Variants in PRKG1 observed in about 807,000 individuals in gnomAD.
The protein encoded by PRKG1 is protein kinase cGMP-dependent 1, also known as cGMP-dependent protein kinase 1.
In PRKG1, 35 loss-of-function variants were observed where a neutral mutation model predicts 88.1. That is an observed-to-expected ratio of 0.40 (90% CI 0.30 to 0.53). PRKG1 has a LOEUF of 0.53. Among genes scored for constraint, PRKG1 ranks in the 20% least tolerant of loss-of-function variants. The probability of loss-of-function intolerance (pLI) is 0.59; values close to 1 mark genes in which losing one functional copy is unlikely to be tolerated. For synonymous variants in PRKG1, 303 were observed against 292.5 expected (o/e 1.04, Z -0.37); for missense variants, 540 against 839.8 (o/e 0.64, Z 4.41).
chr10:51,719,986 G>A (rs1349223188), intron 3 of PRKG1, among the ~76,000 whole-genome samples: 2 of 152,156 alleles, frequency 1.3e-5, no homozygotes, highest in Admixed American at 1.3e-4. Flanking sequence ...TGGGGGAGAT[G>A]CTGGGAAGGG....
At chr10:51,808,880 G>GTC (rs1370223267) in intron 4 of PRKG1, among the ~76,000 whole-genome samples, 2 of 152,124 alleles carry the variant, frequency 1.3e-5, no homozygotes, top group East Asian at 3.9e-4. Flanking sequence ...TTCGGTAGGG[G>GTC]TCTCTGTTGT....
intron 2 of PRKG1, among the ~76,000 whole-genome samples, chr10:51,189,628 ATTT>A (rs761697024): frequency 2.0e-5 from 3 of 151,938 alleles, no homozygotes; most frequent in Non-Finnish European, 4.4e-5. Flanking sequence ...TTCAACAAAT[ATTT>A]ATTGAATGCC....
intron 4 of PRKG1, among the ~76,000 whole-genome samples, chr10:51,903,526 G>C (rs117205885): frequency 0.019 from 2,935 of 152,202 alleles, 51 homozygotes; most frequent in Non-Finnish European, 0.029. Flanking sequence ...CACACACACA[G>C]AAGAATACAT....
chr10:51,804,439 A>G (rs1318216155), intron 3 of PRKG1, 146 bp from the exon 4 acceptor site: 22 of 615,282 alleles, frequency 3.6e-5, no homozygotes, highest in Non-Finnish European at 5.4e-5. Context: ...ATAGGATAGC[A>G]TTGTGATATT....
chr10:51,749,423 C>A (rs1308709604), intron 3 of PRKG1, among the ~76,000 whole-genome samples: 1 of 152,106 alleles, frequency 6.6e-6, no homozygotes, highest in Non-Finnish European at 1.5e-5. Context: ...TCGTTGGATG[C>A]TCACACAGCC....
chr10:52,252,083 G>T (rs910405482), intron 10 of PRKG1: 2 of 157,108 alleles, frequency 1.3e-5, no homozygotes, highest in Admixed American at 1.3e-4. Flanking sequence ...GGAAATCGAA[G>T]AGATATATAT....
chr10:51,579,627 T>C (rs1177053895), intron 3 of PRKG1, among the ~76,000 whole-genome samples: 1 of 152,158 alleles, frequency 6.6e-6, no homozygotes, highest in African/African-American at 2.4e-5. Flanking sequence ...GCCAACATAA[T>C]ATTTTGATTA....
intron 9 of PRKG1, among the ~76,000 whole-genome samples, chr10:52,224,951 G>A (rs1393866898): frequency 1.3e-5 from 2 of 151,602 alleles, no homozygotes; most frequent in African/African-American, 2.4e-5. Context: ...ACATGTGTGT[G>A]TAAGTATCTT....
intron 17 of PRKG1, among the ~76,000 whole-genome samples, chr10:52,292,441 A>G (rs1842272069): frequency 6.6e-6 from 1 of 151,886 alleles, no homozygotes; most frequent in Non-Finnish European, 1.5e-5. Context: ...ATTTTTGTAT[A>G]AGGTGTAAGG....
chr10:51,667,498 T>G (rs1840450339), intron 3 of PRKG1, among the ~76,000 whole-genome samples: 1 of 152,176 alleles, frequency 6.6e-6, no homozygotes. Flanking sequence ...ATGGCTGAAT[T>G]AGATATAGGG....
intron 3 of PRKG1, among the ~76,000 whole-genome samples, chr10:51,634,862 T>C (rs992055527): frequency 6.6e-6 from 1 of 152,056 alleles, no homozygotes; most frequent in African/African-American, 2.4e-5. Context: ...CACTACATAT[T>C]CTCACTTGTA....
rs117441473 is a variant in PRKG1, at chr10:51,675,319, G to A, written c.593-129266G>A. ...ACACTAGCATACTTATACTGGCACAGCAGGAATGTGTGTACACAAATATGA... is the reference window on the plus strand; with the variant it reads ...ACACTAGCATACTTATACTGGCACAACAGGAATGTGTGTACACAAATATGA... On this transcript the variant is annotated intron_variant, in intron 3 of 17. Coordinates refer to ENST00000373980, the MANE Select transcript of PRKG1 (RefSeq NM_006258.4). Among the ~76,000 whole-genome samples the A allele has an allele frequency of 3.9e-4, 60 of 152,300 alleles. No homozygotes were observed. The East Asian group carries it at 0.011, about 28-fold the overall frequency.
At chr10:51,312,186 C>A (rs1216608481) in intron 2 of PRKG1, among the ~76,000 whole-genome samples, 1 of 152,160 alleles carries the variant, frequency 6.6e-6, no homozygotes, top group Non-Finnish European at 1.5e-5. Flanking sequence ...CTGATATCTT[C>A]TAAGTCTCTT....
chr10:52,210,472 C>G (rs531388228), intron 9 of PRKG1, among the ~76,000 whole-genome samples: 2 of 152,120 alleles, frequency 1.3e-5, no homozygotes, highest in Admixed American at 1.3e-4. Context: ...ACACCCTATG[C>G]AATCATAGAA....
At chr10:51,310,274 G>A (rs546375709) in intron 2 of PRKG1, among the ~76,000 whole-genome samples, 1 of 152,212 alleles carries the variant, frequency 6.6e-6, no homozygotes, top group South Asian at 2.1e-4. Flanking sequence ...GTATCACTTG[G>A]AACACAGCTC....
chr10:51,882,609 G>A lies in PRKG1; in HGVS notation c.699-24898G>A, dbSNP rs367643671. Among the ~76,000 whole-genome samples, 18 of 152,298 alleles carry A rather than the reference G, an allele frequency of 1.2e-4. No homozygotes were observed. The East Asian group carries it at 2.7e-3, about 23-fold the overall frequency. On this transcript the variant is annotated intron_variant, in intron 4 of 17. Transcript: ENST00000373980. ...GCAAGTCACATAGAGGAGGGAATTT[G>A]TATTCTTCGCCCCTCTATCCCTAGG...
intron 2 of PRKG1, among the ~76,000 whole-genome samples, chr10:51,166,171 G>A (rs776538653): frequency 1.1e-4 from 16 of 150,996 alleles, no homozygotes; most frequent in Non-Finnish European, 2.2e-4. Flanking sequence ...GATCCTTGAT[G>A]GTTCACTCAA....
intron 1 of PRKG1, among the ~76,000 whole-genome samples, chr10:51,041,176 C>T (rs1843415512): frequency 6.6e-6 from 1 of 152,080 alleles, no homozygotes; most frequent in South Asian, 2.1e-4. Context: ...CTTCAATCAG[C>T]TTGTGGTGAA....
intron 1 of PRKG1, among the ~76,000 whole-genome samples, chr10:51,085,975 A>G (rs1209337565): frequency 6.6e-6 from 1 of 152,212 alleles, no homozygotes; most frequent in East Asian, 1.9e-4. Context: ...TTTGTTCTTC[A>G]TCAAAGGAAA....
Sources: allele counts gnomAD v4.1 joint callset (sites outside exome capture counted in the v4.1 genomes callset), GRCh38; gene constraint gnomAD v4.1.1; transcripts MANE v1.5; gene names NCBI Gene and HGNC (gene_info 2026-07-23, HGNC 2026-07-21).